Variants in RGS22 observed in about 807,000 individuals in gnomAD.
RGS22 encodes regulator of G protein signaling 22.
A neutral mutation model predicts 172.9 loss-of-function variants in RGS22; 148 were observed. The observed-to-expected ratio is 0.86, with a 90% CI of 0.75 to 0.98. The LOEUF is 0.98. Ranked by LOEUF, RGS22 falls within the 50% of genes least tolerant of loss-of-function variation. RGS22 has a pLI of 0.00. For synonymous variants in RGS22, 458 were observed against 480.2 expected, an observed-to-expected ratio of 0.95 and a Z score of 0.60; for missense variants, 1,347 against 1,440.8, an observed-to-expected ratio of 0.93 and a Z score of 1.05.
intron 4 of RGS22, among the ~76,000 whole-genome samples, chr8:100,075,657 T>G (rs1055704937): frequency 6.6e-6 from 1 of 152,218 alleles, no homozygotes; most frequent in African/African-American, 2.4e-5. Context: ...TTCCACTTTT[T>G]GGCTATTATG....
rs184150013 is a variant in RGS22 at position 100,098,639 on chromosome 8, C to G, written c.55-5130G>C. 3.2e-3 allele frequency among the ~76,000 whole-genome samples: 480 copies of G among 152,188 alleles called. 2 individuals carry two copies. The highest frequency in any genetic ancestry group is 0.011 in the African/African-American group (454 of 41,538). Reference sequence around the variant, plus strand: ...CAAAGGTTATCATCACAGATTACATCAGTATCTATCCAGAAGCACTTTTCC... The same window carrying G: ...CAAAGGTTATCATCACAGATTACATGAGTATCTATCCAGAAGCACTTTTCC... On this transcript the variant is annotated intron_variant, in intron 2 of 27. Coordinates refer to ENST00000360863, the MANE Select transcript of RGS22 (RefSeq NM_015668.5).
chr8:99,968,285 C>G (rs1033624964), intron 23 of RGS22, among the ~76,000 whole-genome samples: 1 of 152,118 alleles, frequency 6.6e-6, no homozygotes, highest in Non-Finnish European at 1.5e-5. Flanking sequence ...AAAACCAGCA[C>G]AAAAAGGCTG....
chr8:100,043,340 T>C (rs1248771247), intron 11 of RGS22, among the ~76,000 whole-genome samples: 2 of 152,226 alleles, frequency 1.3e-5, no homozygotes, highest in Non-Finnish European at 2.9e-5. Flanking sequence ...CCTTTGAATA[T>C]GAAGACCTTT....
At chr8:100,058,171 C>CAAAA (rs71512460) in intron 9 of RGS22, among the ~76,000 whole-genome samples, 2 of 56,074 alleles carry the variant, frequency 3.6e-5, no homozygotes, top group African/African-American at 5.0e-5. Context: ...ACAGAGGAGA[C>CAAAA]AAAAAAAAAA....
chr8:99,971,535 A>G (rs1811346819), intron 23 of RGS22, among the ~76,000 whole-genome samples: 1 of 152,248 alleles, frequency 6.6e-6, no homozygotes, highest in Non-Finnish European at 1.5e-5. Flanking sequence ...AAGTCTCAGA[A>G]TACAAAATCA....
intron 14 of RGS22, among the ~76,000 whole-genome samples, chr8:100,011,368 T>C (rs150183662): frequency 6.6e-6 from 1 of 152,316 alleles, no homozygotes; most frequent in Non-Finnish European, 1.5e-5. Flanking sequence ...CCTTCACCTC[T>C]TGCTTGCTTT....
In RGS22 at chr8:100,060,421, TAC is replaced by T. The variant is rs1554629643; in HGVS notation, c.1514+2168_1514+2169del. Among the ~76,000 whole-genome samples the T allele has an allele frequency of 5.9e-4, 70 of 119,418 alleles. No individual in the cohort carries two copies. The East Asian group carries it at 6.4e-3, about 11-fold the overall frequency. 78.3% of individuals were successfully genotyped at this position (119,418 alleles called of 152,430 possible). A position where few individuals can be genotyped will look rare whatever the true frequency, so the allele number is the denominator to read the frequency against. The stretch of plus-strand genomic sequence containing the variant: ...CTACGTGTATATATATATATATATA[TAC>T]ACACACACACACACACACGCACCCC... On this transcript the variant is annotated intron_variant, in intron 9 of 27. Coordinates refer to ENST00000360863, the MANE Select transcript of RGS22 (RefSeq NM_015668.5).
chr8:99,974,425 A>G, intron 23 of RGS22, among the ~76,000 whole-genome samples: 1 of 152,206 alleles, frequency 6.6e-6, no homozygotes, highest in East Asian at 1.9e-4. Context: ...ATAAAATGCT[A>G]TGTTCACAAA....
At chr8:99,991,664 G>C (rs534650145) in intron 20 of RGS22, among the ~76,000 whole-genome samples, 176 of 152,304 alleles carry the variant, frequency 1.2e-3, no homozygotes, top group African/African-American at 3.8e-3. Context: ...AAAGTGATGG[G>C]GAGAATGGAA....
chr8:99,965,956 T>C (rs1162530980), intron 23 of RGS22, among the ~76,000 whole-genome samples: 1 of 152,228 alleles, frequency 6.6e-6, no homozygotes, highest in African/African-American at 2.4e-5. Context: ...GTCTGCCACA[T>C]AGTATGCACT....
intron 14 of RGS22, among the ~76,000 whole-genome samples, chr8:100,023,263 A>G (rs1453108933): frequency 2.6e-5 from 4 of 152,152 alleles, no homozygotes; most frequent in African/African-American, 7.2e-5. Context: ...TATGAACCCT[A>G]TGAATATTCT....
chr8:100,067,769 C>T (rs777993430), intron 6 of RGS22, among the ~76,000 whole-genome samples: 1 of 151,728 alleles, frequency 6.6e-6, no homozygotes, highest in Admixed American at 6.6e-5. Flanking sequence ...GGATTACAGG[C>T]GCCCACCACC....
intron 2 of RGS22, among the ~76,000 whole-genome samples, chr8:100,099,923 CAGT>C (rs1813328602): frequency 6.6e-6 from 1 of 152,148 alleles, no homozygotes; most frequent in South Asian, 2.1e-4. Context: ...GTGTCAGCCC[CAGT>C]AGGCTCTCAC....
At chr8:100,092,046 A>T (rs1395636528) in intron 3 of RGS22, 1 of 135,938 alleles carries the variant, frequency 7.4e-6, no homozygotes, top group Admixed American at 7.7e-5. Context: ...CAAAACAAAC[A>T]TGCATGCATG....
chr8:100,106,031 G>A lies in RGS22; in HGVS notation c.-110C>T, dbSNP rs1813918529. On this transcript the variant is annotated 5_prime_UTR_variant, in exon 1 of 28. Coordinates refer to ENST00000360863, the MANE Select transcript of RGS22 (RefSeq NM_015668.5). Reference sequence around the variant, plus strand: ...ACGCGGCGACGGCGCGCGGGCTCCGGAGCTACGCTGGCTAGCGTGGCCGGC... The same window carrying A: ...ACGCGGCGACGGCGCGCGGGCTCCGAAGCTACGCTGGCTAGCGTGGCCGGC... The A allele has an allele frequency of 1.5e-5, 18 of 1,186,096 alleles. No homozygotes were observed. The South Asian group carries it at 7.1e-4, about 47-fold the overall frequency. 73.5% of individuals were successfully genotyped at this position (1,186,096 alleles called of 1,614,324 possible).
intron 2 of RGS22, among the ~76,000 whole-genome samples, chr8:100,104,325 TGTGC>T (rs1199161183): frequency 1.1e-5 from 1 of 91,936 alleles, no homozygotes; most frequent in Non-Finnish European, 2.4e-5. Context: ...TCTCAAAATA[TGTGC>T]GTGTGTGTGT....
rs979275934 is a variant in RGS22 at position 100,093,519 on chromosome 8, A to T, written c.55-10T>A. 6.5e-7 allele frequency: 1 copy of T among 1,537,288 alleles called. No individual in the cohort carries two copies. The highest frequency in any genetic ancestry group is 2.3e-5 in the East Asian group (1 of 44,342). On this transcript the variant is annotated splice_polypyrimidine_tract_variant and intron_variant, in intron 2 of 27. Transcript: ENST00000360863. ...TTGCCAGAGAATCTTCCTGCAAAAA[A>T]AAAACATAAAAACACAGTATTATAA...
chr8:100,097,448 T>C (rs1813063051), intron 2 of RGS22, among the ~76,000 whole-genome samples: 2 of 152,206 alleles, frequency 1.3e-5, no homozygotes. Context: ...GATGGACTGA[T>C]GGATGATGAG....
intron 15 of RGS22, among the ~76,000 whole-genome samples, chr8:100,007,837 G>A (rs574672445): frequency 2.7e-5 from 4 of 150,052 alleles, no homozygotes; most frequent in South Asian, 4.2e-4. Context: ...GTGACAGAGC[G>A]AGACTCTGAC....
Sources: allele counts gnomAD v4.1 joint callset (sites outside exome capture counted in the v4.1 genomes callset), GRCh38; gene constraint gnomAD v4.1.1; transcripts MANE v1.5; gene names NCBI Gene and HGNC (gene_info 2026-07-23, HGNC 2026-07-21).